FAT3: variants seen among roughly 807,000 people sequenced by gnomAD.
FAT3 encodes FAT atypical cadherin 3.
In FAT3, 95 loss-of-function variants were observed where a neutral mutation model predicts 310.2. That is an observed-to-expected ratio of 0.31 (90% CI 0.26 to 0.36). The LOEUF (loss-of-function observed/expected upper bound fraction) is 0.36, where lower values mean the gene tolerates loss of function less well. Among genes scored for constraint, FAT3 ranks in the 10% least tolerant of loss-of-function variants. The probability of loss-of-function intolerance (pLI) is 1.00; values close to 1 mark genes in which losing one functional copy is unlikely to be tolerated. For synonymous variants in FAT3, 2,314 were observed against 2,192.9 expected, an observed-to-expected ratio of 1.06 and a Z score of -1.54; for missense variants, 5,408 against 5,715.6, an observed-to-expected ratio of 0.95 and a Z score of 1.74.
At chr11:92,596,206 C>T (rs546123600) in intron 3 of FAT3, among the ~76,000 whole-genome samples, 1 of 152,268 alleles carries the variant, frequency 6.6e-6, no homozygotes, top group East Asian at 1.9e-4. Context: ...TTTTTGAGGG[C>T]TTCACCATTG....
intron 1 of FAT3, among the ~76,000 whole-genome samples, chr11:92,261,371 A>G (rs1477202099): frequency 2.0e-5 from 3 of 152,092 alleles, no homozygotes; most frequent in Non-Finnish European, 4.4e-5. Context: ...ACTGACATGC[A>G]TTGTTTGTAG....
rs767050415 is a variant in FAT3 at position 92,800,368 on chromosome 11, C to T, written c.7355C>T (p.Thr2452Ile). Residue 2452 changes from threonine to isoleucine, a missense_variant, in exon 10 of 28, where the codon ACA (threonine) becomes ATA (isoleucine). Transcript: ENST00000525166. The stretch of plus-strand genomic sequence containing the variant: ...ATGGACAGCAAGAGTGGAGTTATCA[C>T]ATTGTCCAACCATCGGAAGCAGCGG... ...FLMDSKSGVI[T>I]LSNHRKQRME... 1.2e-6 allele frequency: 2 copies of T among 1,613,872 alleles called. No individual in the cohort carries two copies. The highest frequency in any genetic ancestry group is 1.3e-5 in the African/African-American group (1 of 74,920).
intron 25 of FAT3, 131 bp from the exon 26 acceptor site, chr11:92,889,058 G>A (rs888168195): frequency 1.9e-6 from 1 of 533,912 alleles, no homozygotes; most frequent in Non-Finnish European, 3.4e-6. Context: ...TTGTGGGGAG[G>A]CTTTGGGTGT....
At chr11:92,373,352 A>G (rs1440417940) in intron 2 of FAT3, among the ~76,000 whole-genome samples, 2 of 152,162 alleles carry the variant, frequency 1.3e-5, no homozygotes, top group African/African-American at 2.4e-5. Context: ...GAGAAATGAA[A>G]TAATTTGCCC....
intron 2 of FAT3, among the ~76,000 whole-genome samples, chr11:92,496,642 C>T (rs1952774311): frequency 1.3e-5 from 2 of 151,998 alleles, no homozygotes; most frequent in Admixed American, 1.3e-4. Context: ...GTTTTATTCT[C>T]ACTTGTAATT....
intron 2 of FAT3, among the ~76,000 whole-genome samples, chr11:92,510,806 C>T (rs914262080): frequency 3.9e-5 from 6 of 152,210 alleles, no homozygotes; most frequent in African/African-American, 1.2e-4. Context: ...TGAGAAGTAA[C>T]AGGCACTGAA....
At position 92,811,784 on chromosome 11, in the gene FAT3, G is replaced by A. The variant is rs1947680156; in HGVS notation, c.9481+1708G>A. 2.0e-5 allele frequency among the ~76,000 whole-genome samples: 3 copies of A among 152,168 alleles called. No individual in the cohort carries two copies. The South Asian group carries it at 6.2e-4, about 32-fold the overall frequency. On this transcript the variant is annotated intron_variant, in intron 13 of 27. Coordinates refer to ENST00000525166, the MANE Select transcript of FAT3 (RefSeq NM_001367949.2). ...TTATAGGGGTGCTGCTGGCATCTAT[G>A]TATAAAGTATACTCACCAGGCCATT...
At position 92,798,466 on chromosome 11, in the gene FAT3, C is replaced by A; in HGVS notation, c.5453C>A (p.Ser1818Ter). The change falls in exon 10 of 28, where the codon TCA (serine) becomes TAA (stop). Residue 1818 changes from serine (S) to a stop codon, truncating the protein, a stop_gained. Transcript: ENST00000525166. LOFTEE classifies it high-confidence loss of function. Reference protein sequence around the residue: ...NALLVYQIVESTAKKFFTVDS... With the variant: ...NALLVYQIVE ...CTGCTTGTGTATCAGATTGTGGAGT[C>A]AACAGCAAAAAAGTTTTTCACGGTG... is the stretch of plus-strand genomic sequence containing the variant. The A allele has an allele frequency of 6.2e-7, 1 of 1,613,508 alleles. No individual in the cohort carries two copies. The highest frequency in any genetic ancestry group is 1.1e-5 in the South Asian group (1 of 91,020).
chr11:92,419,923 C>T (rs542506729), intron 2 of FAT3, among the ~76,000 whole-genome samples: 10 of 152,160 alleles, frequency 6.6e-5, no homozygotes, highest in East Asian at 3.9e-4. Context: ...TTAGTGTCTT[C>T]GGGAAGATAG....
chr11:92,465,259 G>T (rs746875661), intron 2 of FAT3, among the ~76,000 whole-genome samples: 4 of 152,146 alleles, frequency 2.6e-5, no homozygotes, highest in African/African-American at 7.2e-5. Flanking sequence ...TGAGTATCTT[G>T]CTAGACATTG....
chr11:92,726,815 G>T (rs1565544063), intron 4 of FAT3, among the ~76,000 whole-genome samples: 1 of 151,206 alleles, frequency 6.6e-6, no homozygotes, highest in Non-Finnish European at 1.5e-5. Context: ...AGTAGCAGTG[G>T]GCTGACAGAT....
intron 13 of FAT3, among the ~76,000 whole-genome samples, chr11:92,824,477 A>G (rs1948052888): frequency 6.6e-6 from 1 of 152,242 alleles, no homozygotes; most frequent in Admixed American, 6.5e-5. Context: ...AAGACAAACT[A>G]TAATGGAGAA....
At chr11:92,247,454 C>G (rs560227560) in intron 1 of FAT3, among the ~76,000 whole-genome samples, 2 of 151,914 alleles carry the variant, frequency 1.3e-5, no homozygotes, top group African/African-American at 2.4e-5. Flanking sequence ...TTCACTCTTT[C>G]CTCATTTTTT....
chr11:92,295,884 G>A (rs1405355574), intron 1 of FAT3, among the ~76,000 whole-genome samples: 1 of 152,078 alleles, frequency 6.6e-6, no homozygotes, highest in Admixed American at 6.6e-5. Flanking sequence ...GAACTTCCAG[G>A]ATGGGACCCA....
At chr11:92,574,928 C>T (rs1386154763) in intron 3 of FAT3, among the ~76,000 whole-genome samples, 1 of 152,108 alleles carries the variant, frequency 6.6e-6, no homozygotes, top group Non-Finnish European at 1.5e-5. Flanking sequence ...CCCTCATTAA[C>T]TCAAGGTTCC....
At chr11:92,549,130 A>T (rs1954716198) in intron 3 of FAT3, among the ~76,000 whole-genome samples, 1 of 152,162 alleles carries the variant, frequency 6.6e-6, no homozygotes, top group African/African-American at 2.4e-5. Flanking sequence ...ATGCTGAAAA[A>T]TGTCATAATT....
intron 2 of FAT3, among the ~76,000 whole-genome samples, chr11:92,357,608 G>T (rs1051080388): frequency 4.6e-5 from 7 of 152,076 alleles, no homozygotes; most frequent in Non-Finnish European, 8.8e-5. Flanking sequence ...TGGATAGGTA[G>T]GTCATAGGAA....
intron 1 of FAT3, among the ~76,000 whole-genome samples, chr11:92,349,848 A>G (rs951812045): frequency 4.6e-5 from 7 of 152,116 alleles, no homozygotes; most frequent in Non-Finnish European, 1.0e-4. Flanking sequence ...GACTTTTTCT[A>G]TCTGTAACTC....
chr11:92,723,850 C>T (rs1322526598), intron 4 of FAT3, among the ~76,000 whole-genome samples: 1 of 152,174 alleles, frequency 6.6e-6, no homozygotes, highest in African/African-American at 2.4e-5. Context: ...ATTCAAGTAC[C>T]TCCCACCAGG....
Sources: gnomAD v4.1 joint callset for allele counts (sites outside exome capture counted in the v4.1 genomes callset) on GRCh38, gnomAD v4.1.1 for gene constraint, MANE v1.5 for transcripts, NCBI Gene and HGNC (gene_info 2026-07-23, HGNC 2026-07-21) for gene names.